The following LZTFL1 variants were observed in gnomAD, a reference collection of about 807,000 sequenced individuals.
LZTFL1 encodes the protein leucine zipper transcription factor like 1.
LZTFL1 carries 25 observed loss-of-function variants against 45.9 expected under a neutral mutation model. That is an observed-to-expected ratio of 0.54 (90% CI 0.40 to 0.76). The LOEUF (loss-of-function observed/expected upper bound fraction) is 0.76. LZTFL1 is among the 30% of genes least tolerant of loss of function. The probability of loss-of-function intolerance (pLI) is 0.00; values close to 1 mark genes in which losing one functional copy is unlikely to be tolerated. For synonymous variants in LZTFL1, 93 were observed against 117.4 expected, an observed-to-expected ratio of 0.79 and a Z score of 1.35; for missense variants, 277 against 331.1, an observed-to-expected ratio of 0.84 and a Z score of 1.27.
At chr3:45,905,502 C>A (rs1365221351) in intron 2 of LZTFL1, among the ~76,000 whole-genome samples, 2 of 152,252 alleles carry the variant, frequency 1.3e-5, no homozygotes, top group African/African-American at 4.8e-5. Flanking sequence ...AATTGTGGCA[C>A]CACAAGCTAA....
chr3:45,887,070 C>T (rs1291689215), intron 2 of LZTFL1, among the ~76,000 whole-genome samples: 6 of 151,902 alleles, frequency 3.9e-5, no homozygotes, highest in Non-Finnish European at 7.4e-5. Context: ...CATCAGGAGG[C>T]GAATGGTTAA....
intron 9 of LZTFL1, 102 bp downstream of exon 9, chr3:45,827,254 C>G: frequency 2.3e-6 from 2 of 857,656 alleles, no homozygotes. Flanking sequence ...AATGATCCAG[C>G]AACTACCACC....
intron 2 of LZTFL1, among the ~76,000 whole-genome samples, chr3:45,870,227 T>G (rs1701650449): frequency 6.6e-6 from 1 of 152,204 alleles, no homozygotes. Flanking sequence ...GGAAACCAGG[T>G]GCCTGGCTGT....
chr3:45,862,066 G>A (rs1400305563), intron 2 of LZTFL1, among the ~76,000 whole-genome samples: 1 of 152,154 alleles, frequency 6.6e-6, no homozygotes, highest in African/African-American at 2.4e-5. Flanking sequence ...TGGTAATCAA[G>A]CTCGTTTATC....
intron 1 of LZTFL1, chr3:45,915,399 A>G: frequency 2.4e-6 from 1 of 410,990 alleles, no homozygotes; most frequent in Non-Finnish European, 4.9e-6. Context: ...GCCAGGGAGA[A>G]GACAGCACCT....
intron 4 of LZTFL1, among the ~76,000 whole-genome samples, chr3:45,833,712 T>C (rs554417371): frequency 6.6e-6 from 1 of 152,322 alleles, no homozygotes; most frequent in Admixed American, 6.5e-5. Context: ...TGTACATAGA[T>C]TCATCTCAGC....
chr3:45,894,687 G>T (rs1163055572), intron 2 of LZTFL1, among the ~76,000 whole-genome samples: 2 of 152,178 alleles, frequency 1.3e-5, no homozygotes, highest in Non-Finnish European at 2.9e-5. Flanking sequence ...CAGAGTCAAA[G>T]AAGTGAATGA....
intron 2 of LZTFL1, among the ~76,000 whole-genome samples, chr3:45,905,430 T>A (rs1702661433): frequency 6.6e-6 from 1 of 152,250 alleles, no homozygotes; most frequent in Non-Finnish European, 1.5e-5. Flanking sequence ...CATGCAAATA[T>A]GTGTCTTTCC....
At chr3:45,861,293 T>C (rs1453894183) in intron 2 of LZTFL1, among the ~76,000 whole-genome samples, 1 of 151,600 alleles carries the variant, frequency 6.6e-6, no homozygotes, top group East Asian at 1.9e-4. Context: ...TTATTTTTAA[T>C]GTTGAAAGAG....
Position 45,838,096 on chromosome 3 carries a change from A to T in LZTFL1, c.4-45T>A, listed in dbSNP as rs750110797. ...TTTAATTGTTAGTTTTGAAGATCTGATCAAAGAGCCAACAATGAAAATGCA... is the reference window on the plus strand; with the variant it reads ...TTTAATTGTTAGTTTTGAAGATCTGTTCAAAGAGCCAACAATGAAAATGCA... On this transcript the variant is annotated intron_variant, in intron 1 of 9. Transcript: ENST00000296135. The T allele has an allele frequency of 2.6e-5, 41 of 1,547,522 alleles. No homozygotes were observed. The East Asian group carries it at 9.4e-4, about 36-fold the overall frequency.
intron 2 of LZTFL1, 87 bp from the exon 3 acceptor site, chr3:45,835,871 G>A: frequency 1.2e-6 from 1 of 860,550 alleles, no homozygotes; most frequent in Non-Finnish European, 1.8e-6. Flanking sequence ...CCACATTCAT[G>A]TAATCTAAGA....
At position 45,837,922 on chromosome 3, in the gene LZTFL1, G is replaced by GAT. The variant is rs758972133; in HGVS notation, c.128+3_128+4dup. On this transcript the variant is annotated splice_donor_region_variant and intron_variant, in intron 2 of 9. Transcript: ENST00000296135. ...TTTGGTTTGCTTAGAGTCCTCCTCT[G>GAT]ATACCTGCTCTCCTTGAGGTCTTGG... 15 of 1,605,272 alleles carry GAT rather than the reference G, an allele frequency of 9.3e-6. No homozygotes were observed. The South Asian group carries it at 1.3e-4, about 14-fold the overall frequency.
chr3:45,857,823 A>T (rs1701417609), intron 3 of LZTFL1, among the ~76,000 whole-genome samples: 1 of 152,148 alleles, frequency 6.6e-6, no homozygotes, highest in Non-Finnish European at 1.5e-5. Context: ...ACTCCTTATT[A>T]TCAGCATCCC....
At chr3:45,884,525 G>A (rs1350709013) in intron 2 of LZTFL1, among the ~76,000 whole-genome samples, 1 of 152,088 alleles carries the variant, frequency 6.6e-6, no homozygotes, top group Non-Finnish European at 1.5e-5. Context: ...ACGGGGACCC[G>A]TGCAGAGGAG....
intron 3 of LZTFL1, among the ~76,000 whole-genome samples, chr3:45,856,724 G>C (rs970219104): frequency 2.0e-5 from 3 of 152,034 alleles, no homozygotes; most frequent in Admixed American, 6.6e-5. Context: ...GACATGAACA[G>C]ACACGTCTCA....
intron 2 of LZTFL1, chr3:45,883,675 C>T (rs1161260348): frequency 1.8e-6 from 1 of 550,900 alleles, no homozygotes; most frequent in Non-Finnish European, 3.4e-6. Flanking sequence ...CAGATGCCCA[C>T]ATCATGATAG....
intron 7 of LZTFL1, among the ~76,000 whole-genome samples, chr3:45,830,503 C>T (rs1377809985): frequency 6.6e-6 from 1 of 152,030 alleles, no homozygotes. Flanking sequence ...TAATAAAACC[C>T]AAATATAAAC....
At chr3:45,837,036 C>T (rs747309628) in intron 2 of LZTFL1, among the ~76,000 whole-genome samples, 2 of 152,234 alleles carry the variant, frequency 1.3e-5, no homozygotes, top group East Asian at 3.9e-4. Flanking sequence ...TTCCCTACTT[C>T]CAAAAAGACA....
chr3:45,899,702 G>C (rs1702483389), intron 2 of LZTFL1, among the ~76,000 whole-genome samples: 1 of 152,160 alleles, frequency 6.6e-6, no homozygotes, highest in Non-Finnish European at 1.5e-5. Context: ...AGCGCTTGAA[G>C]ATCTGTGGGC....
Sources: gnomAD v4.1 joint callset for allele counts (sites outside exome capture counted in the v4.1 genomes callset) on GRCh38, gnomAD v4.1.1 for gene constraint, MANE v1.5 for transcripts, NCBI Gene and HGNC (gene_info 2026-07-23, HGNC 2026-07-21) for gene names.